Variants in ACAP2 observed in about 807,000 individuals in gnomAD.
ACAP2 encodes the protein arf-GAP with coiled-coil, ANK repeat and PH domain-containing protein 2.
Under a neutral mutation model 115.8 loss-of-function variants are expected in ACAP2, and 39 were observed. The observed-to-expected ratio is 0.34, with a 90% CI of 0.26 to 0.44. The LOEUF is 0.44. ACAP2 is among the 20% of genes least tolerant of loss of function. The pLI is 1.00. For missense variants in ACAP2, 662 were observed against 927.6 expected, an observed-to-expected ratio of 0.71 and a Z score of 3.72; for synonymous variants, 289 against 315.8, an observed-to-expected ratio of 0.92 and a Z score of 0.90.
intron 1 of ACAP2, among the ~76,000 whole-genome samples, chr3:195,404,166 T>TACAC (rs750706294): frequency 1.3e-5 from 2 of 151,686 alleles, no homozygotes; most frequent in Non-Finnish European, 2.9e-5. Flanking sequence ...CATACATACA[T>TACAC]ACACACATAA....
At chr3:195,358,552 C>T (rs1732139570) in intron 4 of ACAP2, among the ~76,000 whole-genome samples, 1 of 151,828 alleles carries the variant, frequency 6.6e-6, no homozygotes, top group South Asian at 2.1e-4. Context: ...AAAAACCAAG[C>T]AGAAATTCTA....
intron 4 of ACAP2, chr3:195,356,306 A>C: frequency 2.5e-6 from 1 of 403,178 alleles, no homozygotes; most frequent in South Asian, 1.8e-5. Context: ...GGGACAGGAC[A>C]ATCACACAGC....
chr3:195,336,670 G>A (rs1438759864), intron 7 of ACAP2: 3 of 359,818 alleles, frequency 8.3e-6, no homozygotes, highest in African/African-American at 6.4e-5. Context: ...AACATATGAG[G>A]ATAAAAGAAA....
intron 13 of ACAP2, among the ~76,000 whole-genome samples, chr3:195,302,985 G>A (rs1194727949): frequency 2.0e-5 from 3 of 152,020 alleles, no homozygotes; most frequent in African/African-American, 4.8e-5. Context: ...AGGCTGAGGC[G>A]GGTGGATCAC....
intron 1 of ACAP2, among the ~76,000 whole-genome samples, chr3:195,402,124 G>A (rs79882240): frequency 0.025 from 3,872 of 152,270 alleles, 144 homozygotes; most frequent in African/African-American, 0.084. Flanking sequence ...ATTATGTCTA[G>A]ACTGAGGGCC....
intron 10 of ACAP2, among the ~76,000 whole-genome samples, chr3:195,320,480 C>T (rs987420163): frequency 1.3e-5 from 2 of 152,170 alleles, no homozygotes; most frequent in Non-Finnish European, 2.9e-5. Context: ...TTAATCCTTG[C>T]TTCCTTATTT....
chr3:195,286,003 CA>C, intron 21 of ACAP2, 146 bp from the exon 22 acceptor site: 1 of 602,300 alleles, frequency 1.7e-6, no homozygotes, highest in Non-Finnish European at 2.8e-6. Context: ...TCAAACCCAG[CA>C]ATCTGAGGTA....
At chr3:195,325,388 A>ACTTTCCCTTAG in intron 9 of ACAP2, 1 of 404,010 alleles carries the variant, frequency 2.5e-6, no homozygotes, top group Non-Finnish European at 4.7e-6. Context: ...CAGGAGACAT[A>ACTTTCCCTTAG]CTTTCCCTTA....
chr3:195,315,825 T>C (rs12486805), intron 10 of ACAP2, among the ~76,000 whole-genome samples: 3,334 of 152,354 alleles, frequency 0.022, 116 homozygotes, highest in East Asian at 0.1. Flanking sequence ...CATTATTCCT[T>C]ACTTGATTTT....
At chr3:195,399,767 T>C (rs890393180) in intron 1 of ACAP2, among the ~76,000 whole-genome samples, 3 of 152,226 alleles carry the variant, frequency 2.0e-5, no homozygotes, top group African/African-American at 7.2e-5. Context: ...ATAGTATGGC[T>C]CTGGTGAATG....
intron 10 of ACAP2, among the ~76,000 whole-genome samples, chr3:195,315,026 T>C (rs897825737): frequency 1.3e-5 from 2 of 152,250 alleles, no homozygotes; most frequent in African/African-American, 4.8e-5. Flanking sequence ...CTTTCACTGA[T>C]TGGCTGATTG....
intron 4 of ACAP2, among the ~76,000 whole-genome samples, chr3:195,354,745 A>G (rs1010683862): frequency 6.6e-6 from 1 of 152,222 alleles, no homozygotes; most frequent in Admixed American, 6.5e-5. Flanking sequence ...CTCTTGGCCC[A>G]TACATATATC....
intron 4 of ACAP2, among the ~76,000 whole-genome samples, chr3:195,373,817 C>A (rs1733336332): frequency 6.6e-6 from 1 of 151,876 alleles, no homozygotes; most frequent in South Asian, 2.1e-4. Flanking sequence ...CCCAGCTACT[C>A]AGGAGGCTAA....
In ACAP2 at chr3:195,433,294, ATTTT is replaced by A. The variant is rs543001884; in HGVS notation, c.53+9497_53+9500del. On this transcript the variant is annotated intron_variant, in intron 1 of 22. Coordinates refer to ENST00000326793, the MANE Select transcript of ACAP2 (RefSeq NM_012287.6). ...TATTTATTTGTACTTTGTTATCGTTATTTTTTATTGTTTTTTTCCAAAATATTCT... is the reference window on the plus strand; with the variant it reads ...TATTTATTTGTACTTTGTTATCGTTATTATTGTTTTTTTCCAAAATATTCT... 6.3e-3 allele frequency among the ~76,000 whole-genome samples: 959 copies of A among 152,188 alleles called. 5 individuals are homozygous for A. The highest frequency in any genetic ancestry group is 0.015 in the South Asian group (70 of 4,824).
chr3:195,422,892 G>T (rs2108837220), intron 1 of ACAP2, among the ~76,000 whole-genome samples: 1 of 152,054 alleles, frequency 6.6e-6, no homozygotes, highest in East Asian at 1.9e-4. Context: ...AATTTTTCAT[G>T]ATTTTTAAAT....
At chr3:195,326,089 A>G (rs1273307797) in intron 9 of ACAP2, among the ~76,000 whole-genome samples, 1 of 152,178 alleles carries the variant, frequency 6.6e-6, no homozygotes, top group Non-Finnish European at 1.5e-5. Context: ...GATCTAGTTT[A>G]CTGGTATTTT....
intron 4 of ACAP2, among the ~76,000 whole-genome samples, chr3:195,371,291 T>G (rs1733122404): frequency 6.6e-6 from 1 of 152,240 alleles, no homozygotes; most frequent in Non-Finnish European, 1.5e-5. Flanking sequence ...GTTAGCTGTA[T>G]TCCTAGGTAT....
chr3:195,284,938 C>A (rs1387781124), intron 22 of ACAP2, among the ~76,000 whole-genome samples: 1 of 152,136 alleles, frequency 6.6e-6, no homozygotes, highest in East Asian at 1.9e-4. Context: ...TCAACGTGTT[C>A]TTCAAAGAGA....
intron 15 of ACAP2, among the ~76,000 whole-genome samples, chr3:195,300,948 G>T (rs1728006071): frequency 6.6e-6 from 1 of 152,176 alleles, no homozygotes; most frequent in Non-Finnish European, 1.5e-5. Flanking sequence ...AGCCAAGGAA[G>T]TCCCGGCTGC....
Sources: gnomAD v4.1 joint callset for allele counts (sites outside exome capture counted in the v4.1 genomes callset) on GRCh38, gnomAD v4.1.1 for gene constraint, MANE v1.5 for transcripts, NCBI Gene and HGNC (gene_info 2026-07-23, HGNC 2026-07-21) for gene names.